Variants in PIEZO2 observed in about 807,000 individuals in gnomAD.
PIEZO2 encodes piezo-type mechanosensitive ion channel component 2.
Under a neutral mutation model 337.3 loss-of-function variants are expected in PIEZO2, and 172 were observed. The ratio of observed to expected loss-of-function variants is 0.51; its 90% CI spans 0.45 to 0.58. PIEZO2 has a LOEUF of 0.58. Ranked by LOEUF, PIEZO2 falls within the 20% of genes least tolerant of loss-of-function variation. The pLI, the probability that PIEZO2 is intolerant of heterozygous loss-of-function variation, is 0.00. For missense variants in PIEZO2, 3,028 were observed against 3,391.3 expected (o/e 0.89, Z 2.66); for synonymous variants, 1,251 against 1,228.5 (o/e 1.02, Z -0.38).
At chr18:10,986,843 T>C (rs926624968) in intron 2 of PIEZO2, among the ~76,000 whole-genome samples, 5 of 152,060 alleles carry the variant, frequency 3.3e-5, no homozygotes, top group Admixed American at 6.6e-5. Context: ...AAAAAAACTA[T>C]TAGAACTAAT....
Position 10,937,881 on chromosome 18 carries a change from G to A in PIEZO2, c.287-26653C>T, listed in dbSNP as rs1013906357. On this transcript the variant is annotated intron_variant, in intron 3 of 55. Coordinates refer to ENST00000674853, the MANE Select transcript of PIEZO2 (RefSeq NM_001378183.1). ...CTAGGAAAATGATAAATTAAGTCAC[G>A]TTAAAGTGTTCCTTTAAAAAACTGC... Among the ~76,000 whole-genome samples, 4 of 152,264 alleles carry A rather than the reference G, an allele frequency of 2.6e-5. 1 individual carries two copies. In the Middle Eastern group the frequency reaches 0.01, roughly 388 times the overall value.
Position 10,676,271 on chromosome 18 carries a change from C to T in PIEZO2, c.8082-983G>A, listed in dbSNP as rs748590116. Among the ~76,000 whole-genome samples the T allele has an allele frequency of 6.6e-6, 1 of 152,174 alleles. No homozygotes were observed. Among genetic ancestry groups the T allele is most frequent in the Non-Finnish European group, 1.5e-5 (1 of 68,022 alleles). On this transcript the variant is annotated intron_variant, in intron 53 of 55. Transcript: ENST00000674853. This position sits in a 1 kb window ranked among gnomAD's most constrained non-coding sequence, Gnocchi z 5.1. ...CGCAAAACATATCTCAGTCTGGGAACATTTCTAAGGCCTGCACCCTGGTGA... is the reference window on the plus strand; with the variant it reads ...CGCAAAACATATCTCAGTCTGGGAATATTTCTAAGGCCTGCACCCTGGTGA...
In PIEZO2 at chr18:11,128,082, T is replaced by A. The variant is rs2040236820; in HGVS notation, c.64+20443A>T. Among the ~76,000 whole-genome samples, 1 of 152,112 alleles carries A rather than the reference T, an allele frequency of 6.6e-6. No individual in the cohort carries two copies. Among genetic ancestry groups the A allele is most frequent in the South Asian group, 2.1e-4 (1 of 4,822 alleles). On this transcript the variant is annotated intron_variant, in intron 1 of 55. Transcript: ENST00000674853. The surrounding 1 kb of genome is among the most constrained non-coding windows in gnomAD (Gnocchi z 4.1). The stretch of plus-strand genomic sequence containing the variant: ...GCATTTGACACTCCTGATTCACCAC[T>A]CATGACAGGCAAGGAGTTTAGTGAC...
intron 2 of PIEZO2, among the ~76,000 whole-genome samples, chr18:11,046,933 A>T (rs907138663): frequency 6.6e-6 from 1 of 152,046 alleles, no homozygotes; most frequent in Non-Finnish European, 1.5e-5. Context: ...TTGCTCCAAA[A>T]CTTGTCTTTG....
At chr18:10,967,086 C>T (rs551016472) in intron 3 of PIEZO2, among the ~76,000 whole-genome samples, 24 of 136,494 alleles carry the variant, frequency 1.8e-4, no homozygotes, top group African/African-American at 5.1e-4. Context: ...GGTGAGATCT[C>T]GGCTCACTGC....
In PIEZO2 at chr18:11,021,185, A is replaced by C. The variant is rs1007270310; in HGVS notation, c.161-41525T>G. 1.3e-5 allele frequency among the ~76,000 whole-genome samples: 2 copies of C among 152,142 alleles called. No homozygotes were observed. The highest frequency in any genetic ancestry group is 4.8e-5 in the African/African-American group (2 of 41,436). ...GTCATCTCCACCGGTTCTCCAAACCACACCATCTCAACCAGCTCAAAGTTA... is the reference window on the plus strand; with the variant it reads ...GTCATCTCCACCGGTTCTCCAAACCCCACCATCTCAACCAGCTCAAAGTTA... On this transcript the variant is annotated intron_variant, in intron 2 of 55. Transcript: ENST00000674853. This position sits in a 1 kb window ranked among gnomAD's most constrained non-coding sequence, Gnocchi z 4.7.
rs1481969824 is a variant in PIEZO2, at chr18:11,143,430, A to G, written c.64+5095T>C. ...TAAAATCACATTAAATAAAGACTAC[A>G]AAAATGGTGCTGAAAAACAAAAGCA... On this transcript the variant is annotated intron_variant, in intron 1 of 55. Coordinates refer to ENST00000674853, the MANE Select transcript of PIEZO2 (RefSeq NM_001378183.1). This position sits in a 1 kb window ranked among gnomAD's most constrained non-coding sequence, Gnocchi z 4.9. 6.6e-6 allele frequency among the ~76,000 whole-genome samples: 1 copy of G among 152,244 alleles called. No individual in the cohort carries two copies.
Position 11,066,201 on chromosome 18 carries a change from C to G in PIEZO2, c.86G>C (p.Gly29Ala). 6.5e-7 allele frequency: 1 copy of G among 1,536,746 alleles called. No homozygotes were observed. Among genetic ancestry groups the G allele is most frequent in the South Asian group, 1.2e-5 (1 of 84,018 alleles). The stretch of plus-strand genomic sequence containing the variant: ...GTAGATAAGGTAGACAAAGGAGAGC[C>G]CATTGTATCGGAATGCACATGCTGT... ...LAVACAFRYN[G>A]LSFVYLIYLL... Residue 29 changes from glycine (G) to alanine (A), a missense_variant, in exon 2 of 56, where the codon GGG becomes GCG. Physicochemically the swap from Gly to Ala is moderately conservative, Grantham distance 60. Around this residue, in one of 5 missense-constraint regions of PIEZO2, gnomAD observed 542 missense variants for 605.6 expected, o/e 0.89. Coordinates refer to ENST00000674853, the MANE Select transcript of PIEZO2 (RefSeq NM_001378183.1).
chr18:10,686,948 A>G (rs1020938834), intron 49 of PIEZO2, among the ~76,000 whole-genome samples: 1 of 152,198 alleles, frequency 6.6e-6, no homozygotes, highest in Non-Finnish European at 1.5e-5. Flanking sequence ...CAAAGGACCT[A>G]GGAACCAAGA....
At position 10,856,820 on chromosome 18, in the gene PIEZO2, C is replaced by A. The variant is rs557940716; in HGVS notation, c.703+181G>T. 5.3e-5 allele frequency among the ~76,000 whole-genome samples: 8 copies of A among 151,998 alleles called. No homozygotes were observed. In the South Asian group the frequency reaches 1.7e-3, roughly 32 times the overall value. On this transcript the variant is annotated intron_variant, in intron 6 of 55. Coordinates refer to ENST00000674853, the MANE Select transcript of PIEZO2 (RefSeq NM_001378183.1). The surrounding 1 kb of genome is among the most constrained non-coding windows in gnomAD (Gnocchi z 4.7). ...CCATCTAAAAACATCAAAACTAGAA[C>A]TAACCCGGAAAAATTATTTTGTGTG...
chr18:10,718,928 G>A lies in PIEZO2; in HGVS notation c.5030-669C>T, dbSNP rs548281483. Among the ~76,000 whole-genome samples the A allele has an allele frequency of 1.5e-4, 23 of 151,798 alleles. No individual in the cohort carries two copies. The South Asian group carries it at 2.9e-3, about 19-fold the overall frequency. On this transcript the variant is annotated intron_variant, in intron 36 of 55. Coordinates refer to ENST00000674853, the MANE Select transcript of PIEZO2 (RefSeq NM_001378183.1). ...GGAGGATTGCTTGAACCTGGGAGCC[G>A]TGATTGTGCCACTGCGCTCCAGCCT...
chr18:10,817,214 C>G (rs2040389224), intron 7 of PIEZO2, among the ~76,000 whole-genome samples: 1 of 152,124 alleles, frequency 6.6e-6, no homozygotes, highest in African/African-American at 2.4e-5. Flanking sequence ...CAGCAAATAC[C>G]ATTTTAATGA....
chr18:11,002,063 T>C lies in PIEZO2; in HGVS notation c.161-22403A>G, dbSNP rs1052724158. Among the ~76,000 whole-genome samples, 1 of 152,218 alleles carries C rather than the reference T, an allele frequency of 6.6e-6. No individual in the cohort carries two copies. The highest frequency in any genetic ancestry group is 2.4e-5 in the African/African-American group (1 of 41,454). On this transcript the variant is annotated intron_variant, in intron 2 of 55. Transcript: ENST00000674853. This position sits in a 1 kb window ranked among gnomAD's most constrained non-coding sequence, Gnocchi z 4.3. ...GGCTTTGTGAGACACATAGTCTCTGTTACAATGACTCAATTCTGCTACTGT... is the reference window on the plus strand; with the variant it reads ...GGCTTTGTGAGACACATAGTCTCTGCTACAATGACTCAATTCTGCTACTGT...
Position 10,689,239 on chromosome 18 carries a change from C to A in PIEZO2, c.7497+416G>T, listed in dbSNP as rs546242103. On this transcript the variant is annotated intron_variant, in intron 49 of 55. Transcript: ENST00000674853. The stretch of plus-strand genomic sequence containing the variant: ...GCAGAATAAGCAGATATTTGCACTT[C>A]AATTTTCTTTGCACAAAGAGGTTAA... Among the ~76,000 whole-genome samples the A allele has an allele frequency of 4.6e-5, 7 of 152,218 alleles. No individual in the cohort carries two copies. The South Asian group carries it at 1.5e-3, about 32-fold the overall frequency.
Position 11,143,201 on chromosome 18 carries a change from T to A in PIEZO2, c.64+5324A>T, listed in dbSNP as rs1170317740. ...ACAACGGTTTAAATCAAAAATCTTA[T>A]AAGCTGTAATGTTGTAGATTATACA... On this transcript the variant is annotated intron_variant, in intron 1 of 55. Coordinates refer to ENST00000674853, the MANE Select transcript of PIEZO2 (RefSeq NM_001378183.1). This position sits in a 1 kb window ranked among gnomAD's most constrained non-coding sequence, Gnocchi z 4.9. Among the ~76,000 whole-genome samples, 1 of 152,250 alleles carries A rather than the reference T, an allele frequency of 6.6e-6. No homozygotes were observed. The highest frequency in any genetic ancestry group is 2.4e-5 in the African/African-American group (1 of 41,472).
At chr18:10,698,883 T>C (rs1463222656) in intron 44 of PIEZO2, 42 bp downstream of exon 44, 11 of 1,531,870 alleles carry the variant, frequency 7.2e-6, no homozygotes, top group Admixed American at 4.0e-5. Context: ...CAAGGCCACC[T>C]GGGAGCTAAC....
chr18:11,032,600 C>T lies in PIEZO2; in HGVS notation c.160+33527G>A, dbSNP rs1377941700. Among the ~76,000 whole-genome samples, 2 of 152,142 alleles carry T rather than the reference C, an allele frequency of 1.3e-5. No homozygotes were observed. Among genetic ancestry groups the T allele is most frequent in the East Asian group, 3.8e-4 (2 of 5,202 alleles). Reference sequence around the variant, plus strand: ...AAATACCTCTGGAGATTTTGAAATACAAAGGATAGGTTTGTGCCTTTCAAA... The same window carrying T: ...AAATACCTCTGGAGATTTTGAAATATAAAGGATAGGTTTGTGCCTTTCAAA... On this transcript the variant is annotated intron_variant, in intron 2 of 55. Transcript: ENST00000674853. This position sits in a 1 kb window ranked among gnomAD's most constrained non-coding sequence, Gnocchi z 4.9.
chr18:11,142,952 A>G (rs1414896363), intron 1 of PIEZO2, among the ~76,000 whole-genome samples: 4 of 150,612 alleles, frequency 2.7e-5, no homozygotes, highest in South Asian at 2.1e-4. Context: ...GGTGGCACGC[A>G]CCTGTAGCCC....
At chr18:11,005,072 G>A (rs560808498) in intron 2 of PIEZO2, among the ~76,000 whole-genome samples, 35 of 152,326 alleles carry the variant, frequency 2.3e-4, no homozygotes, top group African/African-American at 8.4e-4. Flanking sequence ...TCCACTTCAA[G>A]CCAACAAGAA....
Sources: gnomAD v4.1 joint callset for allele counts (sites outside exome capture counted in the v4.1 genomes callset) on GRCh38, gnomAD v4.1.1 for gene constraint, gnomAD v4.1.1 regional missense constraint, Gnocchi (gnomAD v3.1) non-coding constraint, MANE v1.5 for transcripts, NCBI Gene and HGNC (gene_info 2026-07-23, HGNC 2026-07-21) for gene names.